The following RELN variants were observed in gnomAD, a reference collection of about 807,000 sequenced individuals.
The protein encoded by RELN is reelin.
A neutral mutation model predicts 427.6 loss-of-function variants in RELN; 108 were observed. The observed-to-expected ratio is 0.25, with a 90% confidence interval of 0.22 to 0.30. The LOEUF is 0.30. RELN is among the 10% of genes least tolerant of loss of function. The pLI, the probability that RELN is intolerant of heterozygous loss-of-function variation, is 1.00. For synonymous variants in RELN, 1,524 were observed against 1,513.4 expected, an observed-to-expected ratio of 1.01 and a Z score of -0.16; for missense variants, 3,715 against 4,302.8, an observed-to-expected ratio of 0.86 and a Z score of 3.82.
intron 11 of RELN, among the ~76,000 whole-genome samples, chr7:103,675,248 T>C (rs556026389): frequency 1.3e-5 from 2 of 151,958 alleles, no homozygotes; most frequent in Non-Finnish European, 2.9e-5. Flanking sequence ...CAATAATAGA[T>C]AAGAAGAGAG....
chr7:103,876,325 G>C (rs1027354189), intron 2 of RELN, among the ~76,000 whole-genome samples: 3 of 152,118 alleles, frequency 2.0e-5, no homozygotes, highest in Non-Finnish European at 4.4e-5. Flanking sequence ...GCTCACACAA[G>C]ATAAAGATAT....
At chr7:103,779,019 C>T (rs1510845) in intron 3 of RELN, among the ~76,000 whole-genome samples, 49,461 of 151,974 alleles carry the variant, frequency 0.33, 8,054 homozygotes, top group East Asian at 0.44. Context: ...GAACGTGAGG[C>T]CAGGCAGGAT....
chr7:103,800,304 T>C (rs1002346084), intron 3 of RELN, among the ~76,000 whole-genome samples: 3 of 152,138 alleles, frequency 2.0e-5, no homozygotes, highest in African/African-American at 7.2e-5. Flanking sequence ...GGATACAAAA[T>C]CAATGTGCAA....
At chr7:103,679,654 T>C (rs913545440) in intron 11 of RELN, among the ~76,000 whole-genome samples, 2 of 152,212 alleles carry the variant, frequency 1.3e-5, no homozygotes, top group African/African-American at 2.4e-5. Context: ...TGTGTCCATA[T>C]TGACTTCAGA....
chr7:103,840,247 A>G (rs1793520479), intron 2 of RELN, among the ~76,000 whole-genome samples: 1 of 152,372 alleles, frequency 6.6e-6, no homozygotes, highest in African/African-American at 2.4e-5. Flanking sequence ...AAGTGTACGA[A>G]GTAGCCTGGA....
Position 103,667,285 on chromosome 7 carries a change from G to T in RELN, c.1290-5758C>A, listed in dbSNP as rs192678512. On this transcript the variant is annotated intron_variant, in intron 11 of 64. Transcript: ENST00000428762. The stretch of plus-strand genomic sequence containing the variant: ...AGGCTCTCATTTAATTATGTCATCA[G>T]GAGTGTTAACAAATTAAAGGACGAT... Among the ~76,000 whole-genome samples, 42 of 152,276 alleles carry T rather than the reference G, an allele frequency of 2.8e-4. No homozygotes were observed. In the East Asian group the frequency reaches 6.8e-3, roughly 25 times the overall value.
At chr7:103,893,503 C>T (rs1794893420) in intron 2 of RELN, among the ~76,000 whole-genome samples, 1 of 152,102 alleles carries the variant, frequency 6.6e-6, no homozygotes, top group African/African-American at 2.4e-5. Context: ...AATGCATGAC[C>T]TTGTTCTCTG....
chr7:103,525,437 A>G (rs1224679629), intron 46 of RELN, among the ~76,000 whole-genome samples: 2 of 152,160 alleles, frequency 1.3e-5, no homozygotes, highest in East Asian at 1.9e-4. Flanking sequence ...CCTAGAGCTT[A>G]GTGGGTGTTC....
At chr7:103,715,773 C>A (rs1789922069) in intron 8 of RELN, among the ~76,000 whole-genome samples, 1 of 152,236 alleles carries the variant, frequency 6.6e-6, no homozygotes, top group Non-Finnish European at 1.5e-5. Flanking sequence ...CACATTCCAA[C>A]CACTTCCAAG....
chr7:103,914,559 C>T (rs560497693), intron 2 of RELN, among the ~76,000 whole-genome samples: 1 of 152,158 alleles, frequency 6.6e-6, no homozygotes, highest in East Asian at 1.9e-4. Context: ...CTAATTTTAT[C>T]GAGTGTTTTT....
At chr7:103,848,551 C>T (rs1026716995) in intron 2 of RELN, among the ~76,000 whole-genome samples, 1 of 152,164 alleles carries the variant, frequency 6.6e-6, no homozygotes, top group African/African-American at 2.4e-5. Flanking sequence ...AGAATCTTCA[C>T]TTGATAGAAT....
intron 12 of RELN, among the ~76,000 whole-genome samples, chr7:103,656,250 GT>G (rs1833020289): frequency 6.6e-6 from 1 of 152,066 alleles, no homozygotes; most frequent in Non-Finnish European, 1.5e-5. Flanking sequence ...TTGGAATTAT[GT>G]TGTGCAAATA....
At chr7:103,938,674 A>G (rs766613576) in intron 1 of RELN, among the ~76,000 whole-genome samples, 5 of 152,214 alleles carry the variant, frequency 3.3e-5, no homozygotes, top group African/African-American at 4.8e-5. Flanking sequence ...TTTTTCAGAT[A>G]CAGGAATCGT....
chr7:103,744,813 C>T (rs1395764759), intron 6 of RELN, among the ~76,000 whole-genome samples: 1 of 152,142 alleles, frequency 6.6e-6, no homozygotes, highest in East Asian at 1.9e-4. Context: ...CAGATGGATT[C>T]ACAGCCAAAT....
intron 2 of RELN, among the ~76,000 whole-genome samples, chr7:103,850,132 T>C (rs1461426852): frequency 6.6e-6 from 1 of 152,174 alleles, no homozygotes; most frequent in Non-Finnish European, 1.5e-5. Flanking sequence ...CCACAAAATA[T>C]ATCATAGGTT....
chr7:103,527,675 T>C (rs887047827), intron 46 of RELN, among the ~76,000 whole-genome samples: 7 of 152,216 alleles, frequency 4.6e-5, no homozygotes, highest in South Asian at 2.1e-4. Flanking sequence ...AAAATGTGTG[T>C]CTATTTGCCT....
chr7:103,604,462 G>A lies in RELN; in HGVS notation c.3030C>T (p.Arg1010=), dbSNP rs375739415. 1 of 1,613,936 alleles carries A rather than the reference G, an allele frequency of 6.2e-7. No individual in the cohort carries two copies. The highest frequency in any genetic ancestry group is 8.5e-7 in the Non-Finnish European group (1 of 1,179,878). ...GAGCTGTGTAATAGCTCTGGCTCCA[G>A]CGGAAACGGGTAGCACTGGACCTAG... is the stretch of plus-strand genomic sequence containing the variant. ...QKTWSSATRF[R]WSQSYYTAQD... The change falls in exon 23 of 65, where the codon CGC becomes CGT. Residue 1010 remains arginine (R), a synonymous_variant. Coordinates refer to ENST00000428762, the MANE Select transcript of RELN (RefSeq NM_005045.4).
chr7:103,635,880 A>G lies in RELN; in HGVS notation c.2304-294T>C, dbSNP rs2711880. 0.018 allele frequency among the ~76,000 whole-genome samples: 2,813 copies of G among 152,280 alleles called. 96 individuals are homozygous for G. The highest frequency in any genetic ancestry group is 0.064 in the African/African-American group (2,649 of 41,558). ...CAATCACTTCTTTACTGCATTATTT[A>G]TTAGACACTGGGGGAAGGGAAGTTG... On this transcript the variant is annotated intron_variant, in intron 18 of 64. Coordinates refer to ENST00000428762, the MANE Select transcript of RELN (RefSeq NM_005045.4).
At chr7:103,944,847 C>G (rs998538996) in intron 1 of RELN, among the ~76,000 whole-genome samples, 1 of 152,062 alleles carries the variant, frequency 6.6e-6, no homozygotes, top group African/African-American at 2.4e-5. Context: ...TGATATGGCC[C>G]CAGGCTGTTT....
Sources: allele counts gnomAD v4.1 joint callset (sites outside exome capture counted in the v4.1 genomes callset), GRCh38; gene constraint gnomAD v4.1.1; transcripts MANE v1.5; gene names NCBI Gene and HGNC (gene_info 2026-07-23, HGNC 2026-07-21).